Variants in PTPRT observed in about 807,000 individuals in gnomAD.
PTPRT encodes the protein protein tyrosine phosphatase receptor type T, also known as receptor-type tyrosine-protein phosphatase T.
PTPRT carries 56 observed loss-of-function variants against 176.8 expected under a neutral mutation model. The ratio of observed to expected loss-of-function variants is 0.32; its 90% confidence interval spans 0.26 to 0.40. The LOEUF is 0.40. PTPRT is among the 10% of genes least tolerant of loss of function. The pLI is 1.00. For synonymous variants in PTPRT, 783 were observed against 739.0 expected, an observed-to-expected ratio of 1.06 and a Z score of -0.96; for missense variants, 1,540 against 1,908.2, an observed-to-expected ratio of 0.81 and a Z score of 3.60.
chr20:43,080,774 C>T (rs868242966), intron 1 of PTPRT, among the ~76,000 whole-genome samples: 1 of 152,218 alleles, frequency 6.6e-6, no homozygotes, highest in Non-Finnish European at 1.5e-5. Context: ...GTTAGAGATT[C>T]TCACATTCTT....
chr20:42,238,401 A>G lies in PTPRT; in HGVS notation c.2313-2143T>C, dbSNP rs376731514. Among the ~76,000 whole-genome samples, 18 of 152,308 alleles carry G rather than the reference A, an allele frequency of 1.2e-4. No individual in the cohort carries two copies. In the East Asian group the frequency reaches 3.3e-3, roughly 28 times the overall value. ...TGGACTGAAAGAACAGTGACCCTAG[A>G]TGATGAGAAGGTGAAGGACTGGGGA... On this transcript the variant is annotated intron_variant, in intron 14 of 30. Transcript: ENST00000373187.
At chr20:42,352,885 C>A (rs2058306499) in intron 9 of PTPRT, among the ~76,000 whole-genome samples, 1 of 151,750 alleles carries the variant, frequency 6.6e-6, no homozygotes. Context: ...AAAAAAGAAA[C>A]AGAGGGCGAC....
At position 42,248,545 on chromosome 20, in the gene PTPRT, C is replaced by T. The variant is rs148911494; in HGVS notation, c.2312+142G>A. On this transcript the variant is annotated intron_variant, in intron 14 of 30. Transcript: ENST00000373187. ...AAACAGCAACACAATGAACCACAGCCGGCCCATGTATTTCCGGACCTCAAT... is the reference window on the plus strand; with the variant it reads ...AAACAGCAACACAATGAACCACAGCTGGCCCATGTATTTCCGGACCTCAAT... 651 of 1,138,916 alleles carry T rather than the reference C, an allele frequency of 5.7e-4. 1 individual carries two copies. Among genetic ancestry groups the T allele is most frequent in the Non-Finnish European group, 7.7e-4 (615 of 800,120 alleles). 70.6% of individuals were successfully genotyped at this position (1,138,916 alleles called of 1,614,324 possible).
At chr20:42,853,857 T>C (rs769667346) in intron 2 of PTPRT, among the ~76,000 whole-genome samples, 21 of 152,198 alleles carry the variant, frequency 1.4e-4, no homozygotes, top group African/African-American at 5.1e-4. Flanking sequence ...TAATCACTAC[T>C]ATCTTGAGAG....
intron 9 of PTPRT, among the ~76,000 whole-genome samples, chr20:42,412,079 A>G (rs2059024580): frequency 1.3e-5 from 2 of 152,246 alleles, no homozygotes; most frequent in African/African-American, 4.8e-5. Flanking sequence ...ATTGAAATTA[A>G]AAACTCCTGC....
At chr20:42,322,143 A>C (rs1218353660) in intron 11 of PTPRT, among the ~76,000 whole-genome samples, 1 of 152,116 alleles carries the variant, frequency 6.6e-6, no homozygotes, top group East Asian at 1.9e-4. Context: ...TTCCATGCTC[A>C]TGGGTAGGAA....
At chr20:43,029,044 T>C (rs757658019) in intron 1 of PTPRT, among the ~76,000 whole-genome samples, 4 of 152,228 alleles carry the variant, frequency 2.6e-5, no homozygotes, top group Non-Finnish European at 2.9e-5. Context: ...GTCATCCATC[T>C]ACCTCCTCTC....
chr20:42,297,419 TATCTC>T (rs1384734365), intron 12 of PTPRT, among the ~76,000 whole-genome samples: 1 of 152,180 alleles, frequency 6.6e-6, no homozygotes, highest in Non-Finnish European at 1.5e-5. Context: ...AGACATCCCT[TATCTC>T]AGGTAAGATA....
rs1220182790 is a variant in PTPRT at position 42,085,682 on chromosome 20, TC to T, written c.3972+45del. Reference sequence around the variant, plus strand: ...ATCCTCTCTCGGCAGCCTCCATCTGTCTTGGGGAGGAGGGGCTCAGCAAGCA... The same window carrying T: ...ATCCTCTCTCGGCAGCCTCCATCTGTTTGGGGAGGAGGGGCTCAGCAAGCA... On this transcript the variant is annotated intron_variant, in intron 28 of 30. Coordinates refer to ENST00000373187, the MANE Select transcript of PTPRT (RefSeq NM_007050.6). 2.5e-6 allele frequency: 4 copies of T among 1,610,638 alleles called. No homozygotes were observed. In the African/African-American group the frequency reaches 5.3e-5, roughly 21 times the overall value.
chr20:42,215,384 T>C (rs767259289), intron 15 of PTPRT, among the ~76,000 whole-genome samples: 3 of 152,218 alleles, frequency 2.0e-5, no homozygotes, highest in Non-Finnish European at 4.4e-5. Flanking sequence ...ACTGTGATGA[T>C]GAGAAATGAT....
At chr20:42,641,332 T>A (rs917038225) in intron 7 of PTPRT, among the ~76,000 whole-genome samples, 2 of 152,130 alleles carry the variant, frequency 1.3e-5, no homozygotes, top group African/African-American at 4.8e-5. Context: ...AAGTGTGCAC[T>A]GAGAACAGCC....
intron 7 of PTPRT, among the ~76,000 whole-genome samples, chr20:42,575,444 C>T (rs2073241300): frequency 6.6e-6 from 1 of 152,168 alleles, no homozygotes; most frequent in Non-Finnish European, 1.5e-5. Context: ...TGGGTTATCC[C>T]CTTCTCCACT....
intron 1 of PTPRT, among the ~76,000 whole-genome samples, chr20:42,950,289 T>A (rs1036729257): frequency 6.6e-6 from 1 of 152,216 alleles, no homozygotes; most frequent in African/African-American, 2.4e-5. Flanking sequence ...AGCACTGTAG[T>A]AAAGTGAAGG....
At chr20:42,737,828 T>C (rs1284210021) in intron 6 of PTPRT, among the ~76,000 whole-genome samples, 1 of 152,154 alleles carries the variant, frequency 6.6e-6, no homozygotes, top group Non-Finnish European at 1.5e-5. Context: ...CTCACAATTG[T>C]ACAGATTAAA....
intron 11 of PTPRT, among the ~76,000 whole-genome samples, chr20:42,326,344 T>C (rs1568777087): frequency 6.6e-6 from 1 of 152,242 alleles, no homozygotes; most frequent in East Asian, 1.9e-4. Context: ...TTGTGACCAA[T>C]GCAATAAGAC....
At position 42,076,439 on chromosome 20, in the gene PTPRT, G is replaced by A. The variant is rs775914279; in HGVS notation, c.*4440C>T. 22 of 204,090 alleles carry A rather than the reference G, an allele frequency of 1.1e-4. No homozygotes were observed. Among genetic ancestry groups the A allele is most frequent in the Non-Finnish European group, 1.9e-4 (19 of 99,622 alleles). The allele number at this position is 204,090 out of a possible 1,614,324, so 12.6% of individuals were successfully genotyped here. ...GTTTTGTGGGCTCATCCTTCTCCAC[G>A]CCAGATGAGCAAATCCTCATCATTC... is the stretch of plus-strand genomic sequence containing the variant. On this transcript the variant is annotated 3_prime_UTR_variant, in exon 31 of 31. Transcript: ENST00000373187.
chr20:42,287,891 T>G (rs2147076085), intron 12 of PTPRT, among the ~76,000 whole-genome samples: 1 of 151,850 alleles, frequency 6.6e-6, no homozygotes, highest in Non-Finnish European at 1.5e-5. Flanking sequence ...AAAGGAAAAC[T>G]GGGGTCTATC....
chr20:43,156,939 C>T (rs2014538515), intron 1 of PTPRT, among the ~76,000 whole-genome samples: 1 of 152,170 alleles, frequency 6.6e-6, no homozygotes, highest in Non-Finnish European at 1.5e-5. Context: ...GAGATGGTAG[C>T]TGGATGTGAT....
intron 2 of PTPRT, among the ~76,000 whole-genome samples, chr20:42,838,505 T>C (rs1048378755): frequency 6.6e-6 from 1 of 152,174 alleles, no homozygotes; most frequent in Admixed American, 6.5e-5. Context: ...ACACTGGACA[T>C]TGGAGGACCA....
Sources: gnomAD v4.1 joint callset for allele counts (sites outside exome capture counted in the v4.1 genomes callset) on GRCh38, gnomAD v4.1.1 for gene constraint, MANE v1.5 for transcripts, NCBI Gene and HGNC (gene_info 2026-07-23, HGNC 2026-07-21) for gene names.